The following ZNF560 variants were observed in gnomAD, a reference collection of about 807,000 sequenced individuals.
The protein encoded by ZNF560 is zinc finger protein 560.
ZNF560 carries 54 observed loss-of-function variants against 81.8 expected under a neutral mutation model. That is an observed-to-expected ratio of 0.66 (90% CI 0.53 to 0.83). The LOEUF (loss-of-function observed/expected upper bound fraction) is 0.83, where lower values mean the gene tolerates loss of function less well. Among genes scored for constraint, ZNF560 ranks in the 40% least tolerant of loss-of-function variants. The probability of loss-of-function intolerance (pLI) is 0.00; values close to 1 mark genes in which losing one functional copy is unlikely to be tolerated. For missense variants in ZNF560, 940 were observed against 932.4 expected (o/e 1.01, Z -0.11); for synonymous variants, 321 against 317.9 (o/e 1.01, Z -0.10).
At chr19:9,456,415 C>T in the ZNF560 span, among the ~76,000 whole-genome samples, 3 of 152,030 alleles carry the variant, frequency 2.0e-5, no homozygotes, top group South Asian at 2.1e-4. Context: ...ACCGGGAGAG[C>T]GTATAGGGCA....
At chr19:9,452,253 A>T in the ZNF560 span, among the ~76,000 whole-genome samples, 1 of 152,320 alleles carries the variant, frequency 6.6e-6, no homozygotes, top group East Asian at 1.9e-4. Flanking sequence ...TACTATTTAA[A>T]AGTCAAAAAA....
intron 2 of ZNF560, among the ~76,000 whole-genome samples, chr19:9,491,110 T>A (rs1380688004): frequency 6.6e-6 from 1 of 151,872 alleles, no homozygotes; most frequent in Non-Finnish European, 1.5e-5. Context: ...ATAAACAAAG[T>A]TGGTTTTGTT....
chr19:9,471,921 T>C (rs2073128478), intron 5 of ZNF560, among the ~76,000 whole-genome samples: 1 of 152,232 alleles, frequency 6.6e-6, no homozygotes, highest in South Asian at 2.1e-4. Context: ...CCATCCTGGC[T>C]AACACGGTGG....
At chr19:9,471,414 T>TC in intron 5 of ZNF560, 36 bp from the exon 6 acceptor site, 1 of 1,404,652 alleles carries the variant, frequency 7.1e-7, no homozygotes, top group Non-Finnish European at 9.5e-7. Flanking sequence ...TTTTTTTTTT[T>TC]TTAAAAAAAA....
chr19:9,447,133 C>CAAAAAAAAAAAAAAAAAAAAAAAAAAAAA, the ZNF560 span, among the ~76,000 whole-genome samples: 1 of 80,860 alleles, frequency 1.2e-5, no homozygotes, highest in Non-Finnish European at 2.8e-5. Flanking sequence ...GACTCCGTCA[C>CAAAAAAAAAAAAAAAAAAAAAAAAAAAAA]AAAAAAAAAA....
At chr19:9,501,770 G>A (rs2073635404), upstream of ZNF560, among the ~76,000 whole-genome samples, 1 of 151,968 alleles carries the variant, frequency 6.6e-6, no homozygotes, top group Admixed American at 6.6e-5. Flanking sequence ...AAAGTGCTAG[G>A]ATTACAGGCA....
rs117114160 is a variant in ZNF560, at chr19:9,472,906, A to T, written c.238+273T>A. 8.9e-4 allele frequency among the ~76,000 whole-genome samples: 136 copies of T among 151,972 alleles called. 2 individuals carry two copies. In the East Asian group the frequency reaches 0.025, roughly 28 times the overall value. On this transcript the variant is annotated intron_variant, in intron 5 of 9. Transcript: ENST00000301480. The stretch of plus-strand genomic sequence containing the variant: ...TTAAAACACTATGACACCACCCCCA[A>T]CTTCTCTTTTACTCCCTTTCTCATC...
chr19:9,496,367 C>A (rs1156913259), intron 2 of ZNF560, among the ~76,000 whole-genome samples: 4 of 151,648 alleles, frequency 2.6e-5, no homozygotes, highest in East Asian at 2.0e-4. Flanking sequence ...AACAAAAAAA[C>A]CCCGCAAATA....
At chr19:9,454,066 C>T in the ZNF560 span, among the ~76,000 whole-genome samples, 34 of 152,324 alleles carry the variant, frequency 2.2e-4, no homozygotes, top group Middle Eastern at 0.01. Flanking sequence ...CCACCCAGGG[C>T]GGAAAACTTC....
chr19:9,447,150 A>G, the ZNF560 span, among the ~76,000 whole-genome samples: 2 of 151,830 alleles, frequency 1.3e-5, no homozygotes, highest in African/African-American at 4.8e-5. Context: ...AAAAAAAAAA[A>G]AAATAGACAT....
At chr19:9,454,832 G>A in the ZNF560 span, among the ~76,000 whole-genome samples, 1 of 150,762 alleles carries the variant, frequency 6.6e-6, no homozygotes, top group African/African-American at 2.5e-5. Context: ...CTGATGATGA[G>A]GAGGAAGGAG....
At chr19:9,449,987 A>C in the ZNF560 span, among the ~76,000 whole-genome samples, 1 of 147,474 alleles carries the variant, frequency 6.8e-6, no homozygotes, top group Admixed American at 6.9e-5. Flanking sequence ...AAAAAAAAAA[A>C]AAAAAAAAAA....
chr19:9,453,638 TA>T, the ZNF560 span, among the ~76,000 whole-genome samples: 1 of 152,028 alleles, frequency 6.6e-6, no homozygotes, highest in Non-Finnish European at 1.5e-5. Context: ...AAATAATAAA[TA>T]AAAACTTTAA....
At chr19:9,454,218 A>G in the ZNF560 span, among the ~76,000 whole-genome samples, 3 of 152,180 alleles carry the variant, frequency 2.0e-5, no homozygotes, top group African/African-American at 7.2e-5. Context: ...TGCAGAAACG[A>G]TGTTTATCAT....
At chr19:9,451,971 G>C in the ZNF560 span, among the ~76,000 whole-genome samples, 1 of 152,110 alleles carries the variant, frequency 6.6e-6, no homozygotes, top group Non-Finnish European at 1.5e-5. Flanking sequence ...AGCTACTCAT[G>C]AGGCTGAGGC....
At chr19:9,501,847 A>G (rs1254350516), upstream of ZNF560, among the ~76,000 whole-genome samples, 1 of 151,798 alleles carries the variant, frequency 6.6e-6, no homozygotes, top group Non-Finnish European at 1.5e-5. Context: ...GAATGGCCTC[A>G]TGGATTTAGA....
At chr19:9,500,888 T>A (rs1284560944), upstream of ZNF560, among the ~76,000 whole-genome samples, 1 of 152,134 alleles carries the variant, frequency 6.6e-6, no homozygotes, top group South Asian at 2.1e-4. Flanking sequence ...TTTCTTAATT[T>A]TTATCAAGGA....
chr19:9,446,793 T>C, the ZNF560 span, among the ~76,000 whole-genome samples: 97 of 152,202 alleles, frequency 6.4e-4, no homozygotes, highest in Non-Finnish European at 1.1e-3. Context: ...TCTAGAGATA[T>C]TCACCTGACA....
In ZNF560 at chr19:9,466,514, G is replaced by C; in HGVS notation, c.*60C>G. ...TCTCCTGTGAATTTTTACATGTTCA[G>C]TTAGGCTTGAGGAAACAGCAAAGGT... is the stretch of plus-strand genomic sequence containing the variant. On this transcript the variant is annotated 3_prime_UTR_variant, in exon 10 of 10. Coordinates refer to ENST00000301480, the MANE Select transcript of ZNF560 (RefSeq NM_152476.3). The C allele has an allele frequency of 2.0e-6, 3 of 1,471,368 alleles. No individual in the cohort carries two copies. Among genetic ancestry groups the C allele is most frequent in the South Asian group, 1.4e-5 (1 of 73,202 alleles). The allele number at this position is 1,471,368 out of a possible 1,614,324, so 91.1% of individuals were successfully genotyped here.
Sources: gnomAD v4.1 joint callset for allele counts (sites outside exome capture counted in the v4.1 genomes callset) on GRCh38, gnomAD v4.1.1 for gene constraint, MANE v1.5 for transcripts, NCBI Gene and HGNC (gene_info 2026-07-23, HGNC 2026-07-21) for gene names.